Variants in GPC6 observed in about 807,000 individuals in gnomAD.
GPC6 encodes the protein glypican 6, also known as glypican-6.
In GPC6, 14 loss-of-function variants were observed where a neutral mutation model predicts 55.2. The ratio of observed to expected loss-of-function variants is 0.25; its 90% CI spans 0.17 to 0.40. The LOEUF (loss-of-function observed/expected upper bound fraction) is 0.40. Among genes scored for constraint, GPC6 ranks in the 10% least tolerant of loss-of-function variants. The pLI is 1.00. For synonymous variants in GPC6, 278 were observed against 259.6 expected, an observed-to-expected ratio of 1.07 and a Z score of -0.68; for missense variants, 641 against 708.5, an observed-to-expected ratio of 0.90 and a Z score of 1.08.
chr13:93,728,142 G>T (rs766955261), intron 2 of GPC6, among the ~76,000 whole-genome samples: 136 of 152,174 alleles, frequency 8.9e-4, no homozygotes, highest in Non-Finnish European at 1.6e-3. Context: ...TACCAACACT[G>T]TTCATCCATT....
intron 3 of GPC6, among the ~76,000 whole-genome samples, chr13:94,010,289 A>G (rs540140044): frequency 6.6e-6 from 1 of 152,320 alleles, no homozygotes; most frequent in South Asian, 2.1e-4. Context: ...AAATGTGATA[A>G]GTACATTTGA....
intron 1 of GPC6, among the ~76,000 whole-genome samples, chr13:93,337,702 A>G (rs919188368): frequency 6.6e-6 from 1 of 152,206 alleles, no homozygotes; most frequent in African/African-American, 2.4e-5. Flanking sequence ...CACAAACGGA[A>G]TGCCTGCCTT....
intron 6 of GPC6, among the ~76,000 whole-genome samples, chr13:94,329,466 G>C (rs1877298372): frequency 6.6e-6 from 1 of 152,152 alleles, no homozygotes; most frequent in African/African-American, 2.4e-5. Context: ...TCCTCCCTCA[G>C]AAGAGAATCA....
At chr13:93,631,718 A>G (rs879660593) in intron 2 of GPC6, among the ~76,000 whole-genome samples, 8 of 152,212 alleles carry the variant, frequency 5.3e-5, no homozygotes, top group Non-Finnish European at 8.8e-5. Context: ...CCTTGCCTGT[A>G]TCTGTAGTTA....
At chr13:93,919,394 G>A (rs1877451786) in intron 3 of GPC6, among the ~76,000 whole-genome samples, 1 of 152,180 alleles carries the variant, frequency 6.6e-6, no homozygotes, top group Admixed American at 6.5e-5. Context: ...TGCTTCTGTG[G>A]CACTGCTGAC....
chr13:93,311,923 C>A (rs1185513029), intron 1 of GPC6, among the ~76,000 whole-genome samples: 2 of 152,002 alleles, frequency 1.3e-5, no homozygotes, highest in Non-Finnish European at 2.9e-5. Flanking sequence ...CAGGCAGAAG[C>A]AATTTTAGCT....
At chr13:93,823,608 C>T (rs1345484554) in intron 2 of GPC6, among the ~76,000 whole-genome samples, 1 of 152,130 alleles carries the variant, frequency 6.6e-6, no homozygotes, top group African/African-American at 2.4e-5. Context: ...CTTTTGTCTC[C>T]AGTTAAAGTT....
At chr13:94,362,592 A>G (rs1219813863) in intron 6 of GPC6, among the ~76,000 whole-genome samples, 2 of 152,206 alleles carry the variant, frequency 1.3e-5, no homozygotes, top group South Asian at 2.1e-4. Context: ...TCTGGTGGTT[A>G]TAATGAAGGT....
intron 2 of GPC6, among the ~76,000 whole-genome samples, chr13:93,666,990 A>C (rs1397464158): frequency 6.6e-6 from 1 of 152,216 alleles, no homozygotes; most frequent in South Asian, 2.1e-4. Flanking sequence ...ACAGTATTCA[A>C]AATAACTTTT....
At chr13:93,536,195 T>A (rs1042691139) in intron 1 of GPC6, among the ~76,000 whole-genome samples, 8 of 152,094 alleles carry the variant, frequency 5.3e-5, no homozygotes, top group Non-Finnish European at 8.8e-5. Context: ...TTGGGCCAAA[T>A]TCACTTTTTC....
At chr13:93,731,232 T>C (rs963752875) in intron 2 of GPC6, among the ~76,000 whole-genome samples, 2 of 152,168 alleles carry the variant, frequency 1.3e-5, no homozygotes, top group Admixed American at 6.6e-5. Flanking sequence ...GAGTTAGCTT[T>C]TATGGCTCTT....
intron 1 of GPC6, among the ~76,000 whole-genome samples, chr13:93,524,018 G>C (rs918204515): frequency 2.6e-5 from 4 of 151,892 alleles, no homozygotes; most frequent in African/African-American, 9.7e-5. Flanking sequence ...GGAAAGAGAG[G>C]GGGGAAAGTC....
intron 1 of GPC6, among the ~76,000 whole-genome samples, chr13:93,250,746 T>C (rs894714663): frequency 2.6e-5 from 4 of 152,184 alleles, no homozygotes; most frequent in African/African-American, 9.6e-5. Flanking sequence ...CACAGAATCC[T>C]AGGCAGAATT....
intron 4 of GPC6, among the ~76,000 whole-genome samples, chr13:94,101,272 G>A (rs1885847197): frequency 6.6e-6 from 1 of 152,184 alleles, no homozygotes; most frequent in African/African-American, 2.4e-5. Context: ...TCAACATTGG[G>A]AACAACAGTA....
chr13:94,384,553 T>TA (rs1392911137), intron 7 of GPC6, among the ~76,000 whole-genome samples: 4 of 148,688 alleles, frequency 2.7e-5, no homozygotes, highest in East Asian at 2.1e-4. Flanking sequence ...AAATATTTTT[T>TA]TAAAAAAAGG....
chr13:93,832,387 G>C (rs1435625029), intron 3 of GPC6, among the ~76,000 whole-genome samples: 5 of 151,912 alleles, frequency 3.3e-5, no homozygotes, highest in Non-Finnish European at 7.4e-5. Context: ...AATAGGATTA[G>C]TCACAGAGGC....
intron 2 of GPC6, among the ~76,000 whole-genome samples, chr13:93,546,137 G>A (rs1316040784): frequency 2.0e-5 from 3 of 152,178 alleles, no homozygotes; most frequent in African/African-American, 7.2e-5. Context: ...TTTTTAGAAG[G>A]TGTGTTGTCT....
rs549672741 is a variant in GPC6 at position 93,382,084 on chromosome 13, A to G, written c.160+154468A>G. Reference sequence around the variant, plus strand: ...TTATACAATTCAAATAAAGGAAAAGATTTCAACTTGTCCAAAGTTTGTACG... The same window carrying G: ...TTATACAATTCAAATAAAGGAAAAGGTTTCAACTTGTCCAAAGTTTGTACG... On this transcript the variant is annotated intron_variant, in intron 1 of 8. Transcript: ENST00000377047. 4.6e-5 allele frequency among the ~76,000 whole-genome samples: 7 copies of G among 152,304 alleles called. No individual in the cohort carries two copies. The South Asian group carries it at 1.4e-3, about 32-fold the overall frequency.
chr13:94,380,455 CTT>C (rs1397735180), intron 6 of GPC6, among the ~76,000 whole-genome samples: 39 of 152,074 alleles, frequency 2.6e-4, no homozygotes, highest in South Asian at 2.1e-4. Context: ...AAAAGTCAAA[CTT>C]AACTGAAAAT....
Sources: gnomAD v4.1 joint callset for allele counts (sites outside exome capture counted in the v4.1 genomes callset) on GRCh38, gnomAD v4.1.1 for gene constraint, MANE v1.5 for transcripts, NCBI Gene and HGNC (gene_info 2026-07-23, HGNC 2026-07-21) for gene names.